The following LRRC4C variants were observed in gnomAD, a reference collection of about 807,000 sequenced individuals.
LRRC4C encodes leucine rich repeat containing 4C.
In LRRC4C, 5 loss-of-function variants were observed where a neutral mutation model predicts 33.6. The observed-to-expected ratio is 0.15, with a 90% confidence interval of 0.08 to 0.31. The LOEUF (loss-of-function observed/expected upper bound fraction) is 0.31, where lower values mean the gene tolerates loss of function less well. Among genes scored for constraint, LRRC4C ranks in the 10% least tolerant of loss-of-function variants. The pLI, the probability that LRRC4C is intolerant of heterozygous loss-of-function variation, is 1.00. For missense variants in LRRC4C, 560 were observed against 796.7 expected, an observed-to-expected ratio of 0.70 and a Z score of 3.58; for synonymous variants, 329 against 302.0, an observed-to-expected ratio of 1.09 and a Z score of -0.93.
At chr11:40,753,178 T>C (rs2137005778) in intron 2 of LRRC4C, among the ~76,000 whole-genome samples, 1 of 152,042 alleles carries the variant, frequency 6.6e-6, no homozygotes, top group South Asian at 2.1e-4. Context: ...GGTTGGTGAA[T>C]AGGTACAAAC....
In LRRC4C at chr11:41,373,256, T is replaced by C. The variant is rs779717036; in HGVS notation, c.-496+86175A>G. ...GCATATATATACTGTATTTGACATA[T>C]TAAAAATATTTGGCCCAATATTTTT... On this transcript the variant is annotated intron_variant, in intron 1 of 6. Transcript: ENST00000528697. Among the ~76,000 whole-genome samples the C allele has an allele frequency of 1.1e-4, 16 of 152,236 alleles. No homozygotes were observed. The East Asian group carries it at 2.3e-3, about 22-fold the overall frequency.
intron 3 of LRRC4C, among the ~76,000 whole-genome samples, chr11:40,597,333 C>T (rs888673605): frequency 6.6e-6 from 1 of 152,032 alleles, no homozygotes; most frequent in East Asian, 1.9e-4. Context: ...CAGTGGTTGG[C>T]CTGAATTTCC....
chr11:41,017,218 T>C (rs1451632774), intron 1 of LRRC4C, among the ~76,000 whole-genome samples: 2 of 152,202 alleles, frequency 1.3e-5, no homozygotes, highest in Non-Finnish European at 2.9e-5. Context: ...CAAAGTAAAG[T>C]AGTTGAACAA....
rs1248242428 is a variant in LRRC4C at position 40,309,852 on chromosome 11, A to G, written c.-176+9776T>C. The stretch of plus-strand genomic sequence containing the variant: ...TGCTCAGGCCCCCAGAAGCAGGAAG[A>G]AGATATGTTTGACTAGAGAAAGGAA... On this transcript the variant is annotated intron_variant, in intron 4 of 6. Transcript: ENST00000528697. Among the ~76,000 whole-genome samples, 3 of 152,172 alleles carry G rather than the reference A, an allele frequency of 2.0e-5. No homozygotes were observed. In the East Asian group the frequency reaches 5.8e-4, roughly 29 times the overall value.
chr11:41,429,793 A>C (rs755107230), intron 1 of LRRC4C, among the ~76,000 whole-genome samples: 6 of 152,128 alleles, frequency 3.9e-5, no homozygotes, highest in Non-Finnish European at 7.4e-5. Flanking sequence ...TGGTGTTTGA[A>C]ACTCAATCAA....
At chr11:41,131,392 A>C (rs1308092333) in intron 1 of LRRC4C, among the ~76,000 whole-genome samples, 1 of 152,070 alleles carries the variant, frequency 6.6e-6, no homozygotes, top group African/African-American at 2.4e-5. Context: ...TTTTATGTTC[A>C]GTTTCTGGAT....
intron 3 of LRRC4C, among the ~76,000 whole-genome samples, chr11:40,406,178 A>G (rs1949957623): frequency 1.3e-5 from 2 of 152,122 alleles, no homozygotes; most frequent in South Asian, 4.1e-4. Context: ...CCAGACCTTT[A>G]AAGTGAATAT....
At chr11:40,807,570 C>T (rs1263818685) in intron 2 of LRRC4C, among the ~76,000 whole-genome samples, 1 of 152,194 alleles carries the variant, frequency 6.6e-6, no homozygotes, top group Non-Finnish European at 1.5e-5. Context: ...CTGTGCCATT[C>T]CTTTCTGTGA....
chr11:41,217,922 G>A (rs1228441056), intron 1 of LRRC4C, among the ~76,000 whole-genome samples: 1 of 152,094 alleles, frequency 6.6e-6, no homozygotes, highest in Non-Finnish European at 1.5e-5. Flanking sequence ...AATATCTATA[G>A]GAAAAATAAT....
intron 4 of LRRC4C, among the ~76,000 whole-genome samples, chr11:40,298,789 A>G (rs1040022153): frequency 1.3e-5 from 2 of 152,250 alleles, no homozygotes; most frequent in Non-Finnish European, 2.9e-5. Context: ...GGGAAGAAGC[A>G]TGTCTTACAT....
chr11:41,428,638 G>A (rs1955125810), intron 1 of LRRC4C, among the ~76,000 whole-genome samples: 2 of 152,054 alleles, frequency 1.3e-5, no homozygotes, highest in Admixed American at 1.3e-4. Flanking sequence ...CGTTGTATAG[G>A]TTGTCATATG....
intron 2 of LRRC4C, among the ~76,000 whole-genome samples, chr11:40,698,129 G>T (rs993674832): frequency 3.3e-5 from 5 of 151,282 alleles, no homozygotes; most frequent in South Asian, 2.1e-4. Flanking sequence ...CCCATATGTG[G>T]TTATAATCAT....
At chr11:40,948,166 T>C (rs146859452) in intron 1 of LRRC4C, among the ~76,000 whole-genome samples, 75 of 152,180 alleles carry the variant, frequency 4.9e-4, no homozygotes, top group African/African-American at 1.7e-3. Context: ...TTAATCTGAG[T>C]TGTTTACTCT....
intron 1 of LRRC4C, among the ~76,000 whole-genome samples, chr11:40,942,107 T>A (rs1395465640): frequency 6.6e-6 from 1 of 151,776 alleles, no homozygotes; most frequent in Non-Finnish European, 1.5e-5. Context: ...ATAGAGAGAG[T>A]CCAGTCCTGC....
At chr11:40,340,454 T>C (rs189437067) in intron 3 of LRRC4C, among the ~76,000 whole-genome samples, 28 of 152,242 alleles carry the variant, frequency 1.8e-4, no homozygotes, top group African/African-American at 6.5e-4. Context: ...TCTAAATACA[T>C]TGGGACTGAG....
At chr11:41,332,049 A>T (rs1419981533) in intron 1 of LRRC4C, among the ~76,000 whole-genome samples, 2 of 152,174 alleles carry the variant, frequency 1.3e-5, no homozygotes, top group African/African-American at 2.4e-5. Context: ...AAAATGTAAA[A>T]TCCATTCAAT....
At chr11:41,229,500 C>A (rs375701284) in intron 1 of LRRC4C, among the ~76,000 whole-genome samples, 2 of 152,114 alleles carry the variant, frequency 1.3e-5, no homozygotes, top group African/African-American at 4.8e-5. Context: ...CACCTCTTCA[C>A]TGTTGTCATC....
chr11:41,041,420 G>A (rs1486268032), intron 1 of LRRC4C, among the ~76,000 whole-genome samples: 1 of 152,122 alleles, frequency 6.6e-6, no homozygotes, highest in Non-Finnish European at 1.5e-5. Flanking sequence ...ACTACATACA[G>A]GCATTCAGAG....
intron 1 of LRRC4C, among the ~76,000 whole-genome samples, chr11:41,152,107 T>C (rs76157194): frequency 3.3e-5 from 5 of 152,332 alleles, no homozygotes; most frequent in Non-Finnish European, 7.3e-5. Flanking sequence ...CATGAGGTTA[T>C]ATAACCATTA....
Sources: allele counts gnomAD v4.1 joint callset (sites outside exome capture counted in the v4.1 genomes callset), GRCh38; gene constraint gnomAD v4.1.1; transcripts MANE v1.5; gene names NCBI Gene and HGNC (gene_info 2026-07-23, HGNC 2026-07-21).